RANBP17: variants seen among roughly 807,000 people sequenced by gnomAD.
The protein encoded by RANBP17 is RAN binding protein 17.
Under a neutral mutation model 141.2 loss-of-function variants are expected in RANBP17, and 158 were observed. The observed-to-expected ratio is 1.12, with a 90% CI of 0.98 to 1.28. RANBP17 has a LOEUF of 1.28. RANBP17 is among the 50% of genes most tolerant of loss of function. RANBP17 has a pLI of 0.00. For synonymous variants in RANBP17, 430 were observed against 450.0 expected (o/e 0.96, Z 0.56); for missense variants, 1,438 against 1,290.7 (o/e 1.11, Z -1.75).
intron 15 of RANBP17, among the ~76,000 whole-genome samples, chr5:171,170,672 G>C (rs1760036625): frequency 6.6e-6 from 1 of 152,052 alleles, no homozygotes; most frequent in South Asian, 2.1e-4. Context: ...AACATTAGCA[G>C]AATAAACTAG....
intron 16 of RANBP17, among the ~76,000 whole-genome samples, chr5:171,171,661 A>G (rs922441583): frequency 6.6e-6 from 1 of 152,000 alleles, no homozygotes; most frequent in African/African-American, 2.4e-5. Context: ...AAGGAGGTCA[A>G]AATGTTCTAA....
chr5:170,919,353 A>G (rs1018333521), intron 10 of RANBP17, 88 bp from the exon 11 acceptor site: 14 of 941,550 alleles, frequency 1.5e-5, no homozygotes, highest in Admixed American at 1.3e-4. Context: ...AAGTTAATTT[A>G]AAAATGTATG....
At chr5:171,187,176 G>T (rs530360894) in intron 18 of RANBP17, among the ~76,000 whole-genome samples, 2 of 152,090 alleles carry the variant, frequency 1.3e-5, no homozygotes, top group African/African-American at 4.8e-5. Context: ...AGGAATGGCC[G>T]GTTTGTGGAG....
intron 14 of RANBP17, among the ~76,000 whole-genome samples, chr5:171,079,833 G>T (rs1207212032): frequency 6.6e-6 from 1 of 152,190 alleles, no homozygotes; most frequent in Non-Finnish European, 1.5e-5. Context: ...TGACTTGCTT[G>T]ATTGCAGTGG....
In RANBP17 at chr5:171,253,012, T is replaced by C. The variant is rs1765672181; in HGVS notation, c.2776+10192T>C. The C allele has an allele frequency of 6.2e-6, 7 of 1,136,000 alleles. No individual in the cohort carries two copies. In the Admixed American group the frequency reaches 1.2e-4, roughly 20 times the overall value. 70.4% of individuals were successfully genotyped at this position (1,136,000 alleles called of 1,614,324 possible). On this transcript the variant is annotated intron_variant, in intron 24 of 27. Coordinates refer to ENST00000523189, the MANE Select transcript of RANBP17 (RefSeq NM_022897.5). ...AGGGGGAACCGTGATGAAGAGATAC[T>C]TTCTGCCGCATTTCTTCTCTGGTTA...
intron 21 of RANBP17, among the ~76,000 whole-genome samples, chr5:171,215,756 G>T (rs927324861): frequency 9.9e-5 from 15 of 151,912 alleles, no homozygotes; most frequent in African/African-American, 3.6e-4. Flanking sequence ...GGAGTTGTTT[G>T]TTTTTTTCTT....
chr5:170,922,762 C>T (rs904552738), intron 11 of RANBP17, among the ~76,000 whole-genome samples: 7 of 152,168 alleles, frequency 4.6e-5, no homozygotes, highest in Non-Finnish European at 1.0e-4. Flanking sequence ...ATCCCCTGAC[C>T]CCTTGCGCTT....
Position 170,918,432 on chromosome 5 carries a change from T to G in RANBP17, c.955-281T>G, listed in dbSNP as rs553414543. The G allele has an allele frequency of 3.3e-5, 4 of 122,666 alleles. No individual in the cohort carries two copies. In the East Asian group the frequency reaches 6.7e-4, roughly 21 times the overall value. 7.6% of individuals were successfully genotyped at this position (122,666 alleles called of 1,614,324 possible). ...CACACACACACACACACACACAACT[T>G]TTGTGTACTATAATAGCTTCCCCAA... On this transcript the variant is annotated intron_variant, in intron 9 of 27. Transcript: ENST00000523189.
intron 14 of RANBP17, among the ~76,000 whole-genome samples, chr5:171,061,820 G>T (rs1445288422): frequency 6.6e-6 from 1 of 152,162 alleles, no homozygotes; most frequent in Non-Finnish European, 1.5e-5. Flanking sequence ...AGGTCACTCA[G>T]GACTTGCTTT....
At chr5:171,112,909 G>T (rs1051860456) in intron 14 of RANBP17, among the ~76,000 whole-genome samples, 4 of 152,084 alleles carry the variant, frequency 2.6e-5, no homozygotes, top group Admixed American at 2.6e-4. Flanking sequence ...GGCCTTCTTG[G>T]CTTTGTCAAG....
chr5:171,213,312 A>G (rs1763018803), intron 20 of RANBP17, among the ~76,000 whole-genome samples: 1 of 152,162 alleles, frequency 6.6e-6, no homozygotes, highest in Admixed American at 6.6e-5. Context: ...TTAGGCATAA[A>G]TCTTTAAATG....
chr5:171,237,173 AGG>A (rs1463048114), intron 22 of RANBP17, among the ~76,000 whole-genome samples: 1 of 152,174 alleles, frequency 6.6e-6, no homozygotes, highest in Non-Finnish European at 1.5e-5. Context: ...GTTGTCTAGA[AGG>A]GTACTTCTGA....
At chr5:171,284,356 A>G (rs902040769) in intron 25 of RANBP17, among the ~76,000 whole-genome samples, 3 of 151,828 alleles carry the variant, frequency 2.0e-5, no homozygotes, top group Non-Finnish European at 4.4e-5. Flanking sequence ...ACAGAGTTTC[A>G]CTCAGTCACC....
At chr5:171,013,379 T>C (rs1248844995) in intron 14 of RANBP17, among the ~76,000 whole-genome samples, 1 of 152,146 alleles carries the variant, frequency 6.6e-6, no homozygotes, top group Non-Finnish European at 1.5e-5. Context: ...CATCTTTTTT[T>C]CTTGTTCATA....
intron 14 of RANBP17, among the ~76,000 whole-genome samples, chr5:171,124,176 C>T (rs1756254754): frequency 6.6e-6 from 1 of 151,728 alleles, no homozygotes; most frequent in South Asian, 2.1e-4. Flanking sequence ...GGCACAACAT[C>T]GTGAAACCAA....
At chr5:171,130,337 AT>A (rs767665058) in intron 14 of RANBP17, among the ~76,000 whole-genome samples, 1 of 144,402 alleles carries the variant, frequency 6.9e-6, no homozygotes, top group African/African-American at 2.6e-5. Context: ...CATCATTTTC[AT>A]TTTCTTTGGA....
At chr5:170,913,880 A>G (rs982505846) in intron 7 of RANBP17, among the ~76,000 whole-genome samples, 6 of 152,030 alleles carry the variant, frequency 3.9e-5, no homozygotes, top group African/African-American at 9.7e-5. Flanking sequence ...TGAATTCTCA[A>G]TGTTTATATT....
intron 14 of RANBP17, among the ~76,000 whole-genome samples, chr5:171,146,506 C>A (rs183384036): frequency 1.3e-5 from 2 of 152,024 alleles, no homozygotes; most frequent in Admixed American, 1.3e-4. Context: ...ATTGTTGGGA[C>A]AGAAATTAAA....
intron 14 of RANBP17, among the ~76,000 whole-genome samples, chr5:171,082,514 T>C (rs886700327): frequency 6.6e-6 from 1 of 152,144 alleles, no homozygotes; most frequent in Admixed American, 6.5e-5. Flanking sequence ...TATAGTCTCA[T>C]CTACCCTTTG....
Sources: allele counts gnomAD v4.1 joint callset (sites outside exome capture counted in the v4.1 genomes callset), GRCh38; gene constraint gnomAD v4.1.1; transcripts MANE v1.5; gene names NCBI Gene and HGNC (gene_info 2026-07-23, HGNC 2026-07-21).